PREX1: variants seen among roughly 807,000 people sequenced by gnomAD.
The protein encoded by PREX1 is phosphatidylinositol 3,4,5-trisphosphate-dependent Rac exchanger 1 protein.
Under a neutral mutation model 198.3 loss-of-function variants are expected in PREX1, and 41 were observed. The ratio of observed to expected loss-of-function variants is 0.21; its 90% CI spans 0.16 to 0.27. The LOEUF (loss-of-function observed/expected upper bound fraction) is 0.27. PREX1 is among the 10% of genes least tolerant of loss of function. The probability of loss-of-function intolerance (pLI) is 1.00; values close to 1 mark genes in which losing one functional copy is unlikely to be tolerated. For missense variants in PREX1, 1,620 were observed against 2,200.7 expected (o/e 0.74, Z 5.28); for synonymous variants, 843 against 887.2 (o/e 0.95, Z 0.89).
intron 1 of PREX1, among the ~76,000 whole-genome samples, chr20:48,795,510 G>A (rs1276958857): frequency 6.6e-6 from 1 of 151,592 alleles, no homozygotes; most frequent in Non-Finnish European, 1.5e-5. Context: ...GGTAGAGCCA[G>A]GGACGCTCCT....
intron 10 of PREX1, among the ~76,000 whole-genome samples, chr20:48,687,829 A>T (rs769927944): frequency 2.0e-5 from 3 of 152,096 alleles, no homozygotes; most frequent in African/African-American, 4.8e-5. Context: ...AGCCTGTCAC[A>T]CCTGTGTTCT....
At chr20:48,723,284 A>AG (rs2089994131) in intron 5 of PREX1, among the ~76,000 whole-genome samples, 1 of 152,046 alleles carries the variant, frequency 6.6e-6, no homozygotes, top group Non-Finnish European at 1.5e-5. Flanking sequence ...GAGAAGCCAG[A>AG]GGGGGTGGGC....
rs771327391 is a variant in PREX1 at position 48,657,169 on chromosome 20, C to G, written c.1994G>C (p.Gly665Ala). 1.2e-6 allele frequency: 2 copies of G among 1,613,776 alleles called. No homozygotes were observed. Among genetic ancestry groups the G allele is most frequent in the African/African-American group, 1.3e-5 (1 of 75,022 alleles). ...CTCATTGATGGAGTAGATCTTCCTC[C>G]CCACCTGCAGGCCAGCCACCTGGGT... ...SLAEVAGLQV[G>A]RKIYSINEDL... Residue 665 changes from glycine to alanine, a missense_variant, in exon 18 of 40, where the codon GGG (glycine) becomes GCG (alanine). By Grantham distance (60) the Gly-to-Ala change is moderately conservative (BLOSUM62 0). Coordinates refer to ENST00000371941, the MANE Select transcript of PREX1 (RefSeq NM_020820.4).
chr20:48,648,457 G>A (rs1470074345), intron 25 of PREX1, among the ~76,000 whole-genome samples: 2 of 152,166 alleles, frequency 1.3e-5, no homozygotes, highest in Non-Finnish European at 2.9e-5. Context: ...GCCCAGGACA[G>A]CTCCCCAACA....
At position 48,804,041 on chromosome 20, in the gene PREX1, C is replaced by A. The variant is rs73122605; in HGVS notation, c.219+23601G>T. On this transcript the variant is annotated intron_variant, in intron 1 of 39. Transcript: ENST00000371941. ...TTAGGTGCCCATTTTCTCCCCTGGA[C>A]TGGAGCCCTTGAGGACACACACCAT... Among the ~76,000 whole-genome samples the A allele has an allele frequency of 1.7e-3, 258 of 152,368 alleles. 1 individual carries two copies. Among genetic ancestry groups the A allele is most frequent in the Non-Finnish European group, 3.0e-3 (205 of 68,038 alleles).
chr20:48,716,902 T>C (rs999044932), intron 5 of PREX1, among the ~76,000 whole-genome samples: 3 of 152,196 alleles, frequency 2.0e-5, no homozygotes, highest in Non-Finnish European at 4.4e-5. Flanking sequence ...AGGCTGGCAC[T>C]GAGGGAAACA....
intron 9 of PREX1, among the ~76,000 whole-genome samples, chr20:48,689,295 T>C (rs1472378396): frequency 1.3e-5 from 2 of 152,212 alleles, no homozygotes; most frequent in Non-Finnish European, 2.9e-5. Flanking sequence ...CCATCTAATT[T>C]TGACAACAGC....
intron 3 of PREX1, among the ~76,000 whole-genome samples, chr20:48,743,974 T>C (rs1254989667): frequency 6.6e-6 from 1 of 151,496 alleles, no homozygotes; most frequent in Non-Finnish European, 1.5e-5. Context: ...ATGTGATCCC[T>C]TGGAGAAGTG....
chr20:48,657,629 G>A (rs544534190), intron 17 of PREX1, among the ~76,000 whole-genome samples: 1 of 152,202 alleles, frequency 6.6e-6, no homozygotes, highest in East Asian at 1.9e-4. Flanking sequence ...GCTCCTTGCA[G>A]CCCAAAGCAT....
the PREX1 span, among the ~76,000 whole-genome samples, chr20:48,835,348 T>G: frequency 6.6e-6 from 1 of 152,208 alleles, no homozygotes; most frequent in African/African-American, 2.4e-5. Flanking sequence ...AAAGCAAAAC[T>G]CTGTGTCCTC....
Position 48,671,593 on chromosome 20 carries a change from C to T in PREX1, c.1665+4600G>A, listed in dbSNP as rs187984552. Among the ~76,000 whole-genome samples, 5 of 152,262 alleles carry T rather than the reference C, an allele frequency of 3.3e-5. No homozygotes were observed. The East Asian group carries it at 5.8e-4, about 18-fold the overall frequency. On this transcript the variant is annotated intron_variant, in intron 14 of 39. Transcript: ENST00000371941. The stretch of plus-strand genomic sequence containing the variant: ...AATAACCTAGAGTTAGAAATGAAGA[C>T]GTGTCCAAAAAATACCCTCCCGCCC...
chr20:48,639,640 CTT>C (rs2122853035), intron 30 of PREX1, 124 bp downstream of exon 30: 1 of 1,416,810 alleles, frequency 7.1e-7, no homozygotes, highest in East Asian at 2.3e-5. Flanking sequence ...CATCACTTCT[CTT>C]GTCCTCTCCC....
chr20:48,674,020 T>G (rs1291571278), intron 14 of PREX1, among the ~76,000 whole-genome samples: 1 of 152,220 alleles, frequency 6.6e-6, no homozygotes, highest in Non-Finnish European at 1.5e-5. Context: ...GGCTGGGACT[T>G]GAACCCACGT....
intron 4 of PREX1, among the ~76,000 whole-genome samples, chr20:48,734,146 T>G (rs999578813): frequency 1.3e-5 from 2 of 152,212 alleles, no homozygotes; most frequent in Non-Finnish European, 2.9e-5. Context: ...GACAGTAGTA[T>G]TAATAATTAC....
rs767522894 is a variant in PREX1 at position 48,679,422 on chromosome 20, A to C, written c.1540-13T>G. ...AAAGCCTCACACCCTGAAAGAAAAA[A>C]GGGGAGGAATTCTGGGATCAGGCCA... On this transcript the variant is annotated splice_polypyrimidine_tract_variant and intron_variant, in intron 12 of 39. Transcript: ENST00000371941. 1.4e-5 allele frequency: 23 copies of C among 1,611,970 alleles called. No individual in the cohort carries two copies. The highest frequency in any genetic ancestry group is 1.7e-4 in the Middle Eastern group (1 of 6,024).
At chr20:48,883,591 G>C in the PREX1 span, among the ~76,000 whole-genome samples, 5,974 of 152,124 alleles carry the variant, frequency 0.039, 233 homozygotes, top group African/African-American at 0.09. Context: ...TCTCTATGAA[G>C]TGTCAATGAA....
intron 1 of PREX1, among the ~76,000 whole-genome samples, chr20:48,763,652 T>C (rs1384743851): frequency 1.3e-5 from 2 of 152,160 alleles, no homozygotes; most frequent in Non-Finnish European, 2.9e-5. Context: ...AGGATTGTAT[T>C]TGTAGAGTCA....
At position 48,691,137 on chromosome 20, in the gene PREX1, C is replaced by A. The variant is rs200847977; in HGVS notation, c.1037-41G>T. ...GGCAAAGGTGCAGCAGAGACTCAGCCGCGTGACCTTCAACACTCCCCATTG... is the reference window on the plus strand; with the variant it reads ...GGCAAAGGTGCAGCAGAGACTCAGCAGCGTGACCTTCAACACTCCCCATTG... On this transcript the variant is annotated intron_variant, in intron 8 of 39. Transcript: ENST00000371941. This position sits in a 1 kb window ranked among gnomAD's most constrained non-coding sequence, Gnocchi z 5.0. The A allele has an allele frequency of 6.2e-7, 1 of 1,613,390 alleles. No individual in the cohort carries two copies. The highest frequency in any genetic ancestry group is 1.1e-5 in the South Asian group (1 of 90,994).
intron 1 of PREX1, among the ~76,000 whole-genome samples, chr20:48,774,637 G>C (rs1039454749): frequency 6.6e-6 from 1 of 152,226 alleles, no homozygotes; most frequent in Non-Finnish European, 1.5e-5. Context: ...AGATAAAGAT[G>C]CCCACCTCTC....
Sources: gnomAD v4.1 joint callset for allele counts (sites outside exome capture counted in the v4.1 genomes callset) on GRCh38, gnomAD v4.1.1 for gene constraint, Gnocchi (gnomAD v3.1) non-coding constraint, MANE v1.5 for transcripts, NCBI Gene and HGNC (gene_info 2026-07-23, HGNC 2026-07-21) for gene names.